The following NR1D2 variants were observed in gnomAD, a reference collection of about 807,000 sequenced individuals.
NR1D2 encodes nuclear receptor subfamily 1 group D member 2.
NR1D2 carries 25 observed loss-of-function variants against 52.2 expected under a neutral mutation model. That is an observed-to-expected ratio of 0.48 (90% CI 0.35 to 0.67). The LOEUF (loss-of-function observed/expected upper bound fraction) is 0.67, where lower values mean the gene tolerates loss of function less well. NR1D2 is among the 30% of genes least tolerant of loss of function. The pLI is 0.01. For missense variants in NR1D2, 681 were observed against 707.2 expected (o/e 0.96, Z 0.42); for synonymous variants, 259 against 230.1 (o/e 1.13, Z -1.14).
intron 1 of NR1D2, among the ~76,000 whole-genome samples, chr3:23,950,851 T>G (rs1705907175): frequency 6.6e-6 from 1 of 152,112 alleles, no homozygotes; most frequent in Admixed American, 6.5e-5. Context: ...TTGCAACCAA[T>G]TTTTAAGCCA....
At position 23,979,514 on chromosome 3, in the gene NR1D2, G is replaced by C. The variant is rs1706821218; in HGVS notation, c.*2095G>C. 1 of 151,946 alleles carries C rather than the reference G, an allele frequency of 6.6e-6. No homozygotes were observed. 9.4% of individuals were successfully genotyped at this position (151,946 alleles called of 1,614,324 possible). Reference sequence around the variant, plus strand: ...TTTAGGAATGTGTAACCAGAACTATGTTAGTATTGCTTATAAAACTTTAGT... The same window carrying C: ...TTTAGGAATGTGTAACCAGAACTATCTTAGTATTGCTTATAAAACTTTAGT... On this transcript the variant is annotated 3_prime_UTR_variant, in exon 8 of 8. Coordinates refer to ENST00000312521, the MANE Select transcript of NR1D2 (RefSeq NM_005126.5).
intron 7 of NR1D2, among the ~76,000 whole-genome samples, chr3:23,970,341 C>T (rs1031421373): frequency 1.3e-5 from 2 of 152,102 alleles, no homozygotes; most frequent in African/African-American, 4.8e-5. Context: ...CTCTGTATGC[C>T]AGGAACGAAC....
At chr3:23,955,993 G>A (rs369821304) in intron 2 of NR1D2, 44 bp from the exon 3 acceptor site, 17 of 1,348,650 alleles carry the variant, frequency 1.3e-5, no homozygotes, top group African/African-American at 1.0e-4. Context: ...AAACAGACTC[G>A]GTGTTTCCTC....
intron 1 of NR1D2, among the ~76,000 whole-genome samples, chr3:23,947,723 T>C (rs138251885): frequency 6.6e-6 from 1 of 152,208 alleles, no homozygotes; most frequent in African/African-American, 2.4e-5. Flanking sequence ...TCTTAAAATT[T>C]CTCTCGTTCA....
At chr3:23,961,018 C>G (rs750929337) in intron 4 of NR1D2, among the ~76,000 whole-genome samples, 1 of 152,120 alleles carries the variant, frequency 6.6e-6, no homozygotes, top group Non-Finnish European at 1.5e-5. Context: ...GATGACTTAT[C>G]TCATTTTTAC....
chr3:23,951,500 T>C (rs1462326293), intron 1 of NR1D2, among the ~76,000 whole-genome samples: 1 of 152,224 alleles, frequency 6.6e-6, no homozygotes, highest in African/African-American at 2.4e-5. Context: ...AGTGTGCTAA[T>C]ACCTGGAATT....
intron 5 of NR1D2, among the ~76,000 whole-genome samples, chr3:23,964,210 T>C (rs1217204015): frequency 6.6e-6 from 1 of 152,104 alleles, no homozygotes; most frequent in Non-Finnish European, 1.5e-5. Context: ...CCTGAGTAGC[T>C]GGGACTACAG....
chr3:23,961,914 A>G (rs1706257618), intron 4 of NR1D2, 63 bp from the exon 5 acceptor site: 2 of 1,453,176 alleles, frequency 1.4e-6, no homozygotes, highest in Middle Eastern at 1.9e-4. Flanking sequence ...ATTTTGTGTT[A>G]TTCTTTTATA....
At chr3:23,958,411 C>T in intron 3 of NR1D2, among the ~76,000 whole-genome samples, 1 of 152,056 alleles carries the variant, frequency 6.6e-6, no homozygotes, top group East Asian at 1.9e-4. Flanking sequence ...CTTTGGGAGG[C>T]TGAAGCTGTA....
chr3:23,963,061 T>C (rs1207818913), intron 5 of NR1D2, among the ~76,000 whole-genome samples: 3 of 152,086 alleles, frequency 2.0e-5, no homozygotes, highest in Non-Finnish European at 4.4e-5. Flanking sequence ...TCTTTGGATA[T>C]AGAACATAGA....
intron 7 of NR1D2, among the ~76,000 whole-genome samples, chr3:23,968,844 A>G (rs528649028): frequency 4.6e-5 from 7 of 152,308 alleles, no homozygotes; most frequent in African/African-American, 1.7e-4. Flanking sequence ...ATTGTATAAC[A>G]TTTGGGAATT....
chr3:23,945,611 G>T lies in NR1D2; in HGVS notation c.16+17G>T. 8.5e-7 allele frequency: 1 copy of T among 1,177,658 alleles called. No individual in the cohort carries two copies. 73.0% of individuals were successfully genotyped at this position (1,177,658 alleles called of 1,614,324 possible). ...TGAATGCAGGTAAGAACCGGACTGC[G>T]GCGGGTGGGGGATGGCCGGAGGGAG... On this transcript the variant is annotated intron_variant, in intron 1 of 7. Coordinates refer to ENST00000312521, the MANE Select transcript of NR1D2 (RefSeq NM_005126.5).
At chr3:23,976,471 G>A (rs560651155) in intron 7 of NR1D2, among the ~76,000 whole-genome samples, 1 of 152,334 alleles carries the variant, frequency 6.6e-6, no homozygotes. Context: ...TCTGCTTTCA[G>A]TTGTATGTAG....
intron 6 of NR1D2, among the ~76,000 whole-genome samples, chr3:23,965,729 C>G (rs187460561): frequency 6.6e-6 from 1 of 152,122 alleles, no homozygotes; most frequent in Admixed American, 6.5e-5. Context: ...TATTCTGTAT[C>G]TACAGCATAT....
chr3:23,957,870 TGTA>T (rs142738619), intron 3 of NR1D2, among the ~76,000 whole-genome samples: 7 of 152,348 alleles, frequency 4.6e-5, no homozygotes, highest in East Asian at 1.9e-4. Flanking sequence ...GTTCAGCTCT[TGTA>T]GTATCTAAGT....
intron 3 of NR1D2, among the ~76,000 whole-genome samples, chr3:23,957,616 G>A (rs1024222785): frequency 6.6e-6 from 1 of 151,276 alleles, no homozygotes; most frequent in Non-Finnish European, 1.5e-5. Context: ...CCAGCTACTC[G>A]GGAGGCTGAG....
chr3:23,948,118 CAA>C (rs58380767), intron 1 of NR1D2, among the ~76,000 whole-genome samples: 55 of 135,214 alleles, frequency 4.1e-4, no homozygotes, highest in African/African-American at 4.0e-4. Flanking sequence ...ACTCCCATCT[CAA>C]AAAAAAAAAA....
chr3:23,959,462 G>A (rs1011017859), intron 3 of NR1D2, among the ~76,000 whole-genome samples: 1 of 151,976 alleles, frequency 6.6e-6, no homozygotes. Flanking sequence ...TAGGTGTTAG[G>A]TGCTTACTCA....
At chr3:23,950,043 T>C (rs1326099944) in intron 1 of NR1D2, among the ~76,000 whole-genome samples, 1 of 152,186 alleles carries the variant, frequency 6.6e-6, no homozygotes, top group Non-Finnish European at 1.5e-5. Flanking sequence ...TTCAGCTAAT[T>C]TTAGCTCAGG....
Sources: allele counts gnomAD v4.1 joint callset (sites outside exome capture counted in the v4.1 genomes callset), GRCh38; gene constraint gnomAD v4.1.1; transcripts MANE v1.5; gene names NCBI Gene and HGNC (gene_info 2026-07-23, HGNC 2026-07-21).